Variants in EMG1 observed in about 807,000 individuals in gnomAD.
EMG1 encodes the protein EMG1 N1-specific pseudouridine methyltransferase, also known as ribosomal RNA small subunit methyltransferase NEP1.
EMG1 carries 24 observed loss-of-function variants against 26.9 expected under a neutral mutation model. The ratio of observed to expected loss-of-function variants is 0.89; its 90% CI spans 0.65 to 1.26. The LOEUF (loss-of-function observed/expected upper bound fraction) is 1.26, where lower values mean the gene tolerates loss of function less well. Ranked by LOEUF, EMG1 falls within the 50% of genes most tolerant of loss-of-function variation. The pLI, the probability that EMG1 is intolerant of heterozygous loss-of-function variation, is 0.00. For missense variants in EMG1, 299 were observed against 307.6 expected (o/e 0.97, Z 0.21); for synonymous variants, 140 against 112.6 (o/e 1.24, Z -1.54).
downstream of EMG1, chr12:6,981,425 G>A: frequency 1.3e-6 from 1 of 764,468 alleles, no homozygotes; most frequent in Non-Finnish European, 2.2e-6. Context: ...TGGATCCTGG[G>A]CAAATTAGAT....
rs1481995204 is a variant in EMG1 at position 6,977,752 on chromosome 12, A to G, written c.*1943A>G. The G allele has an allele frequency of 1.9e-6, 3 of 1,613,666 alleles. No homozygotes were observed. The highest frequency in any genetic ancestry group is 2.5e-6 in the Non-Finnish European group (3 of 1,179,924). On this transcript the variant is annotated 3_prime_UTR_variant, in exon 6 of 6. Transcript: ENST00000599672. This position sits in a 1 kb window ranked among gnomAD's most constrained non-coding sequence, Gnocchi z 4.5. ...GAGTCGTTTGAAGATGTAGCTGGAG[A>G]AAAGGGTGGGTGGGGCGACCCTCAA...
At chr12:6,983,995 A>G (rs1462298062), downstream of EMG1, among the ~76,000 whole-genome samples, 1 of 152,190 alleles carries the variant, frequency 6.6e-6, no homozygotes, top group Admixed American at 6.5e-5. Flanking sequence ...AACAAGATAC[A>G]AAGATTTGAG....
Position 6,976,132 on chromosome 12 carries a change from A to G in EMG1, c.*323A>G, listed in dbSNP as rs1946396864. Reference sequence around the variant, plus strand: ...CAGATTCCCATGTGCTAAAGGAGAGAACCCTGATGATGGAGAAGAACTGTG... The same window carrying G: ...CAGATTCCCATGTGCTAAAGGAGAGGACCCTGATGATGGAGAAGAACTGTG... On this transcript the variant is annotated 3_prime_UTR_variant, in exon 6 of 6. Transcript: ENST00000599672. 4.1e-6 allele frequency: 1 copy of G among 243,144 alleles called. No individual in the cohort carries two copies. The highest frequency in any genetic ancestry group is 8.0e-6 in the Non-Finnish European group (1 of 125,044). 15.1% of individuals were successfully genotyped at this position (243,144 alleles called of 1,614,324 possible). A position where few individuals can be genotyped will look rare whatever the true frequency, so the allele number is the denominator to read the frequency against.
chr12:6,993,629 C>A (rs1014440046), intron 7 of EMG1, among the ~76,000 whole-genome samples: 1 of 152,218 alleles, frequency 6.6e-6, no homozygotes, highest in South Asian at 2.1e-4. Flanking sequence ...ATATAAATGG[C>A]GTCAGGCAAT....
downstream of EMG1, chr12:6,983,639 G>GAA: frequency 5.8e-6 from 4 of 688,610 alleles, no homozygotes; most frequent in Non-Finnish European, 1.0e-5. Context: ...CAGAGGGAGA[G>GAA]AGAAAAAAAA....
chr12:6,983,189 G>A (rs1054245161), downstream of EMG1: 11 of 460,548 alleles, frequency 2.4e-5, no homozygotes, highest in Non-Finnish European at 4.0e-5. Flanking sequence ...GAGAAACTGA[G>A]GATTCTTTGT....
downstream of EMG1, among the ~76,000 whole-genome samples, chr12:6,991,354 A>C (rs781867448): frequency 6.6e-6 from 1 of 152,228 alleles, no homozygotes; most frequent in Non-Finnish European, 1.5e-5. Flanking sequence ...AATAAAACCC[A>C]TTGGCTTCTC....
rs782233120 is a variant in EMG1 at position 6,974,401 on chromosome 12, A to G, written c.231A>G (p.Gly77=). 1.2e-5 allele frequency: 19 copies of G among 1,613,694 alleles called. No individual in the cohort carries two copies. In the East Asian group the frequency reaches 4.2e-4, roughly 36 times the overall value. ...DKHKSILLKN[G]RDPGEARPDI... is the part of the protein sequence containing the mutation. ...ACAAGTCTATATTGTTGAAGAATGG[A>G]CGGGACCCTGGGGAAGCGCGGCCAG... Residue 77 remains glycine (G), a synonymous_variant, in exon 2 of 6, where the codon GGA becomes GGG. Transcript: ENST00000599672.
chr12:6,971,769 CTT>C (rs1555152318), intron 1 of EMG1, among the ~76,000 whole-genome samples: 1 of 152,198 alleles, frequency 6.6e-6, no homozygotes, highest in African/African-American at 2.4e-5. Context: ...TCTGCCCACA[CTT>C]TTTGTAAGGG....
chr12:6,986,539 C>T (rs1239428610), intron 6 of EMG1, among the ~76,000 whole-genome samples: 3 of 151,820 alleles, frequency 2.0e-5, no homozygotes, highest in African/African-American at 7.3e-5. Context: ...AATCTCAGCA[C>T]TTTGGGAGGC....
At chr12:6,973,248 A>G (rs1172550164) in intron 1 of EMG1, among the ~76,000 whole-genome samples, 1 of 151,530 alleles carries the variant, frequency 6.6e-6, no homozygotes, top group Non-Finnish European at 1.5e-5. Flanking sequence ...GCTCACTGCA[A>G]TCTCTGTCTC....
downstream of EMG1, chr12:6,982,600 CCA>C: frequency 9.0e-7 from 1 of 1,114,766 alleles, no homozygotes; most frequent in Non-Finnish European, 1.4e-6. Context: ...AATTTCTATA[CCA>C]CAGTCCCCTG....
chr12:6,972,500 T>A (rs1555152430), intron 1 of EMG1, among the ~76,000 whole-genome samples: 1 of 149,820 alleles, frequency 6.7e-6, no homozygotes, highest in African/African-American at 2.6e-5. Flanking sequence ...AAAACTTGTA[T>A]TTGTATATAA....
Position 6,978,765 on chromosome 12 carries a change from A to G in EMG1, c.*2956A>G, listed in dbSNP as rs1477977807. 5.1e-6 allele frequency: 8 copies of G among 1,577,154 alleles called. No homozygotes were observed. The South Asian group carries it at 5.9e-5, about 12-fold the overall frequency. ...TTCTCTCAGCACTCTTCCTTTTCAC[A>G]CTTGTGGCTGGCTACTTCATACCTG... is the stretch of plus-strand genomic sequence containing the variant. On this transcript the variant is annotated 3_prime_UTR_variant, in exon 6 of 6. Transcript: ENST00000599672.
chr12:6,981,800 C>T, downstream of EMG1: 2 of 1,606,014 alleles, frequency 1.2e-6, no homozygotes, highest in East Asian at 2.2e-5. Flanking sequence ...CAGGCAGTGA[C>T]CATCACTCAC....
intron 7 of EMG1, among the ~76,000 whole-genome samples, chr12:6,994,060 C>T (rs911332388): frequency 1.3e-4 from 20 of 152,230 alleles, no homozygotes; most frequent in Admixed American, 1.2e-3. Flanking sequence ...CGGTCTTGAA[C>T]TCCTGGCCTC....
chr12:6,973,036 C>T (rs1946351837), intron 1 of EMG1, among the ~76,000 whole-genome samples: 1 of 151,262 alleles, frequency 6.6e-6, no homozygotes, highest in African/African-American at 2.4e-5. Flanking sequence ...GACAGGGTCC[C>T]ACCGTGTTGC....
downstream of EMG1, among the ~76,000 whole-genome samples, chr12:6,984,773 T>A (rs1253976000): frequency 1.3e-5 from 2 of 151,854 alleles, no homozygotes; most frequent in African/African-American, 4.8e-5. Flanking sequence ...TTTGTGGACA[T>A]GAGTTCTCAC....
chr12:6,983,218 G>A, downstream of EMG1: 1 of 491,188 alleles, frequency 2.0e-6, no homozygotes, highest in Non-Finnish European at 3.7e-6. Flanking sequence ...TATGGCAAGG[G>A]TAACCACCCT....
Sources: allele counts gnomAD v4.1 joint callset (sites outside exome capture counted in the v4.1 genomes callset), GRCh38; gene constraint gnomAD v4.1.1; non-coding constraint Gnocchi (gnomAD v3.1); transcripts MANE v1.5; gene names NCBI Gene and HGNC (gene_info 2026-07-23, HGNC 2026-07-21).